Variants in PIP5K1C observed in about 807,000 individuals in gnomAD.
PIP5K1C encodes phosphatidylinositol-4-phosphate 5-kinase type 1 gamma.
In PIP5K1C, 45 loss-of-function variants were observed where a neutral mutation model predicts 80.1. That is an observed-to-expected ratio of 0.56 (90% confidence interval 0.44 to 0.72). PIP5K1C has a LOEUF of 0.72. PIP5K1C is among the 30% of genes least tolerant of loss of function. PIP5K1C has a pLI of 0.00. For missense variants in PIP5K1C, 753 were observed against 954.6 expected (o/e 0.79, Z 2.78); for synonymous variants, 498 against 420.1 (o/e 1.19, Z -2.27).
At chr19:3,651,318 G>C (rs1276981161) in intron 8 of PIP5K1C, among the ~76,000 whole-genome samples, 1 of 152,110 alleles carries the variant, frequency 6.6e-6, no homozygotes, top group Non-Finnish European at 1.5e-5. Flanking sequence ...GGTCTCCCAA[G>C]GTGCTGGGAG....
In PIP5K1C at chr19:3,700,426, G is replaced by T. The variant is rs569975073; in HGVS notation, c.-36C>A. 14 of 1,042,962 alleles carry T rather than the reference G, an allele frequency of 1.3e-5. No homozygotes were observed. The East Asian group carries it at 2.9e-4, about 22-fold the overall frequency. The allele number at this position is 1,042,962 out of a possible 1,614,324, so 64.6% of individuals were successfully genotyped here. On this transcript the variant is annotated 5_prime_UTR_variant, in exon 1 of 18. Coordinates refer to ENST00000335312, the MANE Select transcript of PIP5K1C (RefSeq NM_012398.3). ...GGACGGCGGCGGGGGCGCCCGAGGG[G>T]GACCCGAGCTGCGACCGCCGCCGCC...
chr19:3,642,975 G>C, intron 13 of PIP5K1C, 36 bp from the exon 14 acceptor site: 1 of 1,612,168 alleles, frequency 6.2e-7, no homozygotes. Flanking sequence ...CACCCAGAAA[G>C]AGAGTGGCCC....
intron 1 of PIP5K1C, among the ~76,000 whole-genome samples, chr19:3,669,441 C>T (rs7247023): frequency 0.1 from 15,411 of 152,146 alleles, 1,156 homozygotes; most frequent in African/African-American, 0.2. Flanking sequence ...GCGGAGTCCG[C>T]GGTGCAGACG....
At chr19:3,653,716 C>T in intron 6 of PIP5K1C, 127 bp from the exon 7 acceptor site, 1 of 843,370 alleles carries the variant, frequency 1.2e-6, no homozygotes, top group Non-Finnish European at 1.8e-6. Context: ...TCCCCAGAAG[C>T]CCTCGGGGAC....
intron 1 of PIP5K1C, chr19:3,669,645 T>C (rs1470650904): frequency 6.6e-6 from 1 of 151,762 alleles, no homozygotes; most frequent in African/African-American, 2.4e-5. Flanking sequence ...CCACCCGAGG[T>C]CACACAGAAG....
intron 11 of PIP5K1C, 36 bp downstream of exon 11, chr19:3,645,938 G>C: frequency 1.3e-6 from 2 of 1,548,830 alleles, no homozygotes; most frequent in Non-Finnish European, 1.8e-6. Context: ...GCCTTCCCCA[G>C]GGTCCCTCCC....
chr19:3,644,438 C>T (rs1041694107), intron 11 of PIP5K1C, among the ~76,000 whole-genome samples, 187 bp from the exon 12 acceptor site: 5 of 152,276 alleles, frequency 3.3e-5, no homozygotes, highest in African/African-American at 1.2e-4. Context: ...GACTGCGAGC[C>T]CGAGTTCCCT....
chr19:3,669,897 G>C (rs2035144886), intron 1 of PIP5K1C: 1 of 152,314 alleles, frequency 6.6e-6, no homozygotes, highest in Non-Finnish European at 1.5e-5. Context: ...TCTGCTGCCG[G>C]GTCAGAACTG....
At position 3,653,358 on chromosome 19, in the gene PIP5K1C, G is replaced by A; in HGVS notation, c.853C>T (p.Pro285Ser). Residue 285 changes from proline to serine, a missense_variant, in exon 7 of 18, where the codon CCC becomes TCC. Physicochemically the swap from Pro to Ser is moderately conservative, Grantham distance 74. Transcript: ENST00000335312. Reference sequence around the variant, plus strand: ...TCGGCGTCCAGCAGGAGCCCCTCGGGCATGTCCTGCATGAAGTCCAGGTCC... The same window carrying A: ...TCGGCGTCCAGCAGGAGCCCCTCGGACATGTCCTGCATGAAGTCCAGGTCC... ...YKDLDFMQDM[P>S]EGLLLDADTF... 7 of 1,612,268 alleles carry A rather than the reference G, an allele frequency of 4.3e-6. No individual in the cohort carries two copies. The highest frequency in any genetic ancestry group is 5.9e-6 in the Non-Finnish European group (7 of 1,179,994).
chr19:3,656,486 G>A lies in PIP5K1C; in HGVS notation c.540C>T (p.Thr180=). The A allele has an allele frequency of 1.9e-6, 3 of 1,613,778 alleles. No homozygotes were observed. The highest frequency in any genetic ancestry group is 2.5e-6 in the Non-Finnish European group (3 of 1,179,998). ...TCTTGATGATGAACTCGTCGTCGCT[G>A]GTGACGTAGAAGAGGGAGCCACTGG... ...PGASGSLFYV[T]SDDEFIIKTV... is the part of the protein sequence containing the mutation. The change falls in exon 6 of 18, where the codon ACC becomes ACT. Residue 180 remains threonine (T), a synonymous_variant. Transcript: ENST00000335312.
At chr19:3,638,755 TGGGTGGGTCGACA>T in intron 16 of PIP5K1C, 116 bp downstream of exon 16, 1 of 969,444 alleles carries the variant, frequency 1.0e-6, no homozygotes, top group South Asian at 1.8e-5. Flanking sequence ...AGAGAGCATG[TGGGTGGGTCGACA>T]GGGCACACTC....
chr19:3,639,834 G>A (rs531382656), intron 15 of PIP5K1C, among the ~76,000 whole-genome samples: 2 of 152,324 alleles, frequency 1.3e-5, no homozygotes, highest in East Asian at 3.9e-4. Context: ...TACTGCCCCT[G>A]TGTTGCATTT....
intron 1 of PIP5K1C, among the ~76,000 whole-genome samples, chr19:3,676,380 C>T (rs1474933709): frequency 1.3e-5 from 2 of 152,256 alleles, no homozygotes; most frequent in Admixed American, 6.5e-5. Context: ...GTGAGTGGCC[C>T]GCCCGGGCTT....
chr19:3,681,757 C>A (rs765806075), intron 1 of PIP5K1C, among the ~76,000 whole-genome samples: 2 of 151,520 alleles, frequency 1.3e-5, no homozygotes, highest in African/African-American at 2.4e-5. Context: ...CAAACGGCAG[C>A]CCCAGGGCAG....
chr19:3,685,505 C>A (rs374315946), intron 1 of PIP5K1C, among the ~76,000 whole-genome samples: 1 of 151,956 alleles, frequency 6.6e-6, no homozygotes, highest in Non-Finnish European at 1.5e-5. Context: ...CCGAGGCGGG[C>A]GGATCACGAG....
At chr19:3,683,609 C>G (rs77784385) in intron 1 of PIP5K1C, among the ~76,000 whole-genome samples, 5 of 152,220 alleles carry the variant, frequency 3.3e-5, no homozygotes, top group African/African-American at 9.7e-5. Context: ...GAGGTCAGAT[C>G]GCTTGCCTGA....
chr19:3,641,912 G>C lies in PIP5K1C; in HGVS notation c.1683-103C>G, dbSNP rs1007200458. ...CCAGGGCCAGTCCCAGAGGGGAGTT[G>C]GGAGCCTCCTGATTGGGTCTGTTCT... is the stretch of plus-strand genomic sequence containing the variant. On this transcript the variant is annotated intron_variant, in intron 14 of 17. Coordinates refer to ENST00000335312, the MANE Select transcript of PIP5K1C (RefSeq NM_012398.3). The C allele has an allele frequency of 9.0e-6, 8 of 890,478 alleles. No individual in the cohort carries two copies. The African/African-American group carries it at 9.9e-5, about 11-fold the overall frequency. 55.2% of individuals were successfully genotyped at this position (890,478 alleles called of 1,614,324 possible). A position where few individuals can be genotyped will look rare whatever the true frequency, so the allele number is the denominator to read the frequency against.
intron 1 of PIP5K1C, among the ~76,000 whole-genome samples, chr19:3,675,629 C>T (rs1006734914): frequency 7.9e-5 from 12 of 152,188 alleles, no homozygotes; most frequent in African/African-American, 2.9e-4. Context: ...TGACATCAAA[C>T]GGCCCTGCCT....
Position 3,696,495 on chromosome 19 carries a change from C to T in PIP5K1C, c.94+3802G>A, listed in dbSNP as rs917444257. On this transcript the variant is annotated intron_variant, in intron 1 of 17. Transcript: ENST00000335312. This position sits in a 1 kb window ranked among gnomAD's most constrained non-coding sequence, Gnocchi z 4.1. ...GGGCAGGGGACGGAGAAGGGGAGAC[C>T]GCTGTGTGGTGACAGCAGGGCAGGG... 4.6e-5 allele frequency among the ~76,000 whole-genome samples: 7 copies of T among 150,622 alleles called. No individual in the cohort carries two copies. Among genetic ancestry groups the T allele is most frequent in the East Asian group, 4.0e-4 (2 of 5,040 alleles).
Sources: gnomAD v4.1 joint callset for allele counts (sites outside exome capture counted in the v4.1 genomes callset) on GRCh38, gnomAD v4.1.1 for gene constraint, Gnocchi (gnomAD v3.1) non-coding constraint, MANE v1.5 for transcripts, NCBI Gene and HGNC (gene_info 2026-07-23, HGNC 2026-07-21) for gene names.